HHIPL1: variants seen among roughly 807,000 people sequenced by gnomAD.
The protein encoded by HHIPL1 is HHIP like 1, also known as HHIP-like protein 1.
A neutral mutation model predicts 61.8 loss-of-function variants in HHIPL1; 43 were observed. That is an observed-to-expected ratio of 0.70 (90% CI 0.55 to 0.90). The LOEUF (loss-of-function observed/expected upper bound fraction) is 0.90, where lower values mean the gene tolerates loss of function less well. Among genes scored for constraint, HHIPL1 ranks in the 40% least tolerant of loss-of-function variants. The pLI is 0.00. For missense variants in HHIPL1, 1,056 were observed against 1,157.7 expected (o/e 0.91, Z 1.28); for synonymous variants, 482 against 515.8 (o/e 0.93, Z 0.89).
chr14:99,611,119 T>G, the HHIPL1 span, among the ~76,000 whole-genome samples: 1 of 152,220 alleles, frequency 6.6e-6, no homozygotes, highest in Non-Finnish European at 1.5e-5. Flanking sequence ...TTTCTCCTGT[T>G]GAAGACATTT....
At chr14:99,621,525 T>C in the HHIPL1 span, among the ~76,000 whole-genome samples, 1 of 152,094 alleles carries the variant, frequency 6.6e-6, no homozygotes, top group African/African-American at 2.4e-5. Flanking sequence ...TCACAGGCAC[T>C]GGTGGGTTAG....
the HHIPL1 span, among the ~76,000 whole-genome samples, chr14:99,626,660 C>T: frequency 3.3e-5 from 5 of 152,226 alleles, no homozygotes; most frequent in Non-Finnish European, 7.3e-5. Flanking sequence ...TCTTTCTGCT[C>T]TCTGAGGCAG....
At chr14:99,645,527 G>T in intron 1 of HHIPL1, 65 bp downstream of exon 1, 1 of 1,238,470 alleles carries the variant, frequency 8.1e-7, no homozygotes, top group Non-Finnish European at 1.0e-6. Context: ...AGCAGAGATC[G>T]GAACCCCGCG....
rs1363215697 is a variant in HHIPL1, at chr14:99,677,218, C to T, written c.*1592C>T. The T allele has an allele frequency of 6.6e-6, 1 of 152,500 alleles. No individual in the cohort carries two copies. The highest frequency in any genetic ancestry group is 2.4e-5 in the African/African-American group (1 of 41,464). 9.4% of individuals were successfully genotyped at this position (152,500 alleles called of 1,614,324 possible). A position where few individuals can be genotyped will look rare whatever the true frequency, so the allele number is the denominator to read the frequency against. ...CACACAGAGGTTAGATATCTTAGGG[C>T]ACCAAGCCAGGGAAGGGAGAAGTCA... is the stretch of plus-strand genomic sequence containing the variant. On this transcript the variant is annotated 3_prime_UTR_variant, in exon 9 of 9. Coordinates refer to ENST00000330710, the MANE Select transcript of HHIPL1 (RefSeq NM_001127258.3). The surrounding 1 kb of genome is among the most constrained non-coding windows in gnomAD (Gnocchi z 4.3).
chr14:99,615,030 T>C, the HHIPL1 span, among the ~76,000 whole-genome samples: 329 of 152,162 alleles, frequency 2.2e-3, no homozygotes, highest in African/African-American at 7.3e-3. Flanking sequence ...CAAACCATGG[T>C]GCGTAGAGTG....
At chr14:99,657,972 T>C (rs1417470274) in intron 3 of HHIPL1, among the ~76,000 whole-genome samples, 3 of 152,044 alleles carry the variant, frequency 2.0e-5, no homozygotes, top group African/African-American at 7.2e-5. Context: ...TTCACACACA[T>C]ACATACACAC....
the HHIPL1 span, among the ~76,000 whole-genome samples, chr14:99,632,010 C>T: frequency 6.6e-6 from 1 of 152,162 alleles, no homozygotes; most frequent in African/African-American, 2.4e-5. Context: ...GGGAGCGAGG[C>T]TGGGAGTGGA....
the HHIPL1 span, among the ~76,000 whole-genome samples, chr14:99,612,778 T>G: frequency 1.3e-5 from 2 of 152,022 alleles, no homozygotes; most frequent in Non-Finnish European, 2.9e-5. Context: ...GGCCCCCGGG[T>G]TGCCCTGGGG....
intron 5 of HHIPL1, among the ~76,000 whole-genome samples, chr14:99,661,473 A>AT (rs112834878): frequency 0.011 from 963 of 89,392 alleles, 13 homozygotes; most frequent in African/African-American, 0.035. Context: ...ATATATGGTG[A>AT]TTTTTTTTTT....
chr14:99,625,181 G>T, the HHIPL1 span: 2 of 152,196 alleles, frequency 1.3e-5, no homozygotes, highest in Non-Finnish European at 2.9e-5. Flanking sequence ...GCCATCCCAA[G>T]CCGGGTTGGC....
rs1395639570 is a variant in HHIPL1 at position 99,646,811 on chromosome 14, TG to T, written c.255+1350del. 5.2e-3 allele frequency among the ~76,000 whole-genome samples: 415 copies of T among 79,778 alleles called. 1 individual carries two copies. The highest frequency in any genetic ancestry group is 0.014 in the African/African-American group (380 of 27,170). 52.3% of individuals were successfully genotyped at this position (79,778 alleles called of 152,430 possible). On this transcript the variant is annotated intron_variant, in intron 1 of 8. Transcript: ENST00000330710. ...TAATATAATATGATATGATATGATA[TG>T]ATATGATATGATATGATATGATATA...
chr14:99,651,800 G>A (rs571211068), intron 1 of HHIPL1, among the ~76,000 whole-genome samples: 4 of 152,274 alleles, frequency 2.6e-5, no homozygotes, highest in East Asian at 1.9e-4. Context: ...GATAGAGGCC[G>A]GAAGGTACTA....
chr14:99,622,396 C>T, the HHIPL1 span, among the ~76,000 whole-genome samples: 66 of 152,302 alleles, frequency 4.3e-4, no homozygotes, highest in South Asian at 5.6e-3. Context: ...TTGCCCTGCT[C>T]TCCAGCCCAC....
In HHIPL1 at chr14:99,675,163, G is replaced by A; in HGVS notation, c.1886G>A (p.Arg629His). ...RAPTRAPRRG[R>H]PTAAPPAPTP... ...CCCACGCGGGCGCCCCGCCGAGGGCGCCCCACGGCCGCTCCCCCCGCGCCA... is the reference window on the plus strand; with the variant it reads ...CCCACGCGGGCGCCCCGCCGAGGGCACCCCACGGCCGCTCCCCCCGCGCCA... The change falls in exon 9 of 9, where the codon CGC becomes CAC. Residue 629 changes from arginine to histidine, a missense_variant. By Grantham distance (29) the Arg-to-His change is conservative. Coordinates refer to ENST00000330710, the MANE Select transcript of HHIPL1 (RefSeq NM_001127258.3). This position sits in a 1 kb window ranked among gnomAD's most constrained non-coding sequence, Gnocchi z 5.4. The A allele has an allele frequency of 9.1e-7, 1 of 1,104,462 alleles. No homozygotes were observed. Among genetic ancestry groups the A allele is most frequent in the African/African-American group, 1.7e-5 (1 of 58,942 alleles). 68.4% of individuals were successfully genotyped at this position (1,104,462 alleles called of 1,614,324 possible).
rs761332217 is a variant in HHIPL1 at position 99,652,769 on chromosome 14, C to T, written c.801C>T (p.Tyr267=). The change falls in exon 2 of 9, where the codon TAC becomes TAT. Residue 267 remains tyrosine (Y), a synonymous_variant. Coordinates refer to ENST00000330710, the MANE Select transcript of HHIPL1 (RefSeq NM_001127258.3). Reference sequence around the variant, plus strand: ...GCTTCCAGCACAACCGCAGGCTCTACGTCTACTACTCAGTGGGTATCCGCA... The same window carrying T: ...GCTTCCAGCACAACCGCAGGCTCTATGTCTACTACTCAGTGGGTATCCGCA... ...HPSFQHNRRL[Y]VYYSVGIRSS... 4.2e-5 allele frequency: 68 copies of T among 1,613,944 alleles called. No individual in the cohort carries two copies. The highest frequency in any genetic ancestry group is 1.5e-4 in the African/African-American group (11 of 74,948).
chr14:99,652,177 G>A, intron 1 of HHIPL1, 47 bp from the exon 2 acceptor site: 3 of 1,530,868 alleles, frequency 2.0e-6, no homozygotes, highest in South Asian at 1.3e-5. Context: ...ACCTTGGGCT[G>A]GTAAGCACCT....
intron 3 of HHIPL1, 44 bp from the exon 4 acceptor site, chr14:99,659,384 C>G (rs7145262): frequency 7.3e-7 from 1 of 1,372,214 alleles, no homozygotes; most frequent in Non-Finnish European, 9.4e-7. Flanking sequence ...TGAGCCCTGG[C>G]TCAGGGCGAC....
chr14:99,618,184 G>A, the HHIPL1 span, among the ~76,000 whole-genome samples: 2 of 152,196 alleles, frequency 1.3e-5, no homozygotes, highest in Admixed American at 1.3e-4. Context: ...TTGCCCTAGA[G>A]AGGGGACACC....
In HHIPL1 at chr14:99,648,343, A is replaced by G. The variant is rs114543709; in HGVS notation, c.255+2881A>G. Among the ~76,000 whole-genome samples the G allele has an allele frequency of 4.0e-3, 604 of 152,296 alleles. 4 individuals carry two copies. Among genetic ancestry groups the G allele is most frequent in the African/African-American group, 0.014 (574 of 41,558 alleles). On this transcript the variant is annotated intron_variant, in intron 1 of 8. Coordinates refer to ENST00000330710, the MANE Select transcript of HHIPL1 (RefSeq NM_001127258.3). ...GGTTGGAATTCCTTTCCCCTTCCAC[A>G]GATGAGGACATAGGCACAGAGAGGT...
Sources: allele counts gnomAD v4.1 joint callset (sites outside exome capture counted in the v4.1 genomes callset), GRCh38; gene constraint gnomAD v4.1.1; non-coding constraint Gnocchi (gnomAD v3.1); transcripts MANE v1.5; gene names NCBI Gene and HGNC (gene_info 2026-07-23, HGNC 2026-07-21).